LYZL4: variants seen among roughly 807,000 people sequenced by gnomAD.
LYZL4 encodes lysozyme like 4.
In LYZL4, 13 loss-of-function variants were observed where a neutral mutation model predicts 17.6. That is an observed-to-expected ratio of 0.74 (90% confidence interval 0.48 to 1.18). The LOEUF (loss-of-function observed/expected upper bound fraction) is 1.18. Ranked by LOEUF, LYZL4 falls within the 50% of genes most tolerant of loss-of-function variation. The pLI is 0.00. For missense variants in LYZL4, 174 were observed against 188.2 expected, an observed-to-expected ratio of 0.92 and a Z score of 0.44; for synonymous variants, 64 against 67.7, an observed-to-expected ratio of 0.95 and a Z score of 0.27.
intron 4 of LYZL4, among the ~76,000 whole-genome samples, chr3:42,400,652 G>T (rs771823901): frequency 3.8e-4 from 58 of 152,162 alleles, no homozygotes; most frequent in Non-Finnish European, 6.2e-4. Context: ...ATAAAGCCTA[G>T]TTTCAGAAAT....
Position 42,406,826 on chromosome 3 carries a change from G to A in LYZL4, c.292+20C>T. On this transcript the variant is annotated intron_variant, in intron 3 of 4. Transcript: ENST00000287748. ...CCATAGCCTCCAGTGCCCCCGCACG[G>A]AATGGAAAGAGGGACTTACCGGAAC... 1 of 1,613,106 alleles carries A rather than the reference G, an allele frequency of 6.2e-7. No individual in the cohort carries two copies. The highest frequency in any genetic ancestry group is 1.1e-5 in the South Asian group (1 of 91,080).
At chr3:42,407,886 T>C (rs1250528026) in intron 1 of LYZL4, among the ~76,000 whole-genome samples, 1 of 152,098 alleles carries the variant, frequency 6.6e-6, no homozygotes, top group Admixed American at 6.6e-5. Context: ...GTCCACGCAA[T>C]GAGACAAGCC....
intron 4 of LYZL4, among the ~76,000 whole-genome samples, chr3:42,398,130 G>A (rs1314298015): frequency 6.6e-6 from 1 of 152,118 alleles, no homozygotes; most frequent in Non-Finnish European, 1.5e-5. Flanking sequence ...CATACACACA[G>A]GTATTTTCAG....
At chr3:42,400,511 G>A (rs1032257046) in intron 4 of LYZL4, among the ~76,000 whole-genome samples, 1 of 152,162 alleles carries the variant, frequency 6.6e-6, no homozygotes, top group Non-Finnish European at 1.5e-5. Flanking sequence ...ATCATGATGT[G>A]CATATAAATG....
At chr3:42,403,069 T>C (rs1698685281) in intron 4 of LYZL4, among the ~76,000 whole-genome samples, 1 of 152,132 alleles carries the variant, frequency 6.6e-6, no homozygotes, top group Non-Finnish European at 1.5e-5. Context: ...ATTTTGGCAA[T>C]AAATATACAA....
At chr3:42,366,871 C>T in the LYZL4 span, among the ~76,000 whole-genome samples, 2 of 152,198 alleles carry the variant, frequency 1.3e-5, no homozygotes, top group African/African-American at 4.8e-5. Context: ...AACCTATGAA[C>T]AACCCACACT....
the LYZL4 span, among the ~76,000 whole-genome samples, chr3:42,388,071 CCT>C: frequency 1.1e-3 from 162 of 152,292 alleles, no homozygotes; most frequent in African/African-American, 3.8e-3. Flanking sequence ...CCTTTTCCCC[CCT>C]GTTCATTCAT....
the LYZL4 span, among the ~76,000 whole-genome samples, chr3:42,363,298 G>T: frequency 5.3e-5 from 8 of 152,136 alleles, no homozygotes; most frequent in Non-Finnish European, 1.0e-4. Context: ...TGGGTCTAAT[G>T]TTGGGTGACA....
the LYZL4 span, among the ~76,000 whole-genome samples, chr3:42,378,806 A>T: frequency 1.5e-4 from 23 of 152,332 alleles, no homozygotes; most frequent in South Asian, 8.3e-4. Context: ...AATACTTTAC[A>T]TGCATAATCT....
At chr3:42,380,654 T>C in the LYZL4 span, among the ~76,000 whole-genome samples, 1 of 152,196 alleles carries the variant, frequency 6.6e-6, no homozygotes, top group East Asian at 1.9e-4. Flanking sequence ...ATGATGATGG[T>C]GCTGGCCCAG....
chr3:42,379,989 C>T, the LYZL4 span, among the ~76,000 whole-genome samples: 1 of 152,278 alleles, frequency 6.6e-6, no homozygotes, highest in East Asian at 1.9e-4. Context: ...TTTTGAAGGC[C>T]AAGTCTCACA....
intron 4 of LYZL4, 59 bp from the exon 5 acceptor site, chr3:42,397,393 C>G: frequency 8.2e-7 from 1 of 1,215,128 alleles, no homozygotes; most frequent in Non-Finnish European, 1.2e-6. Flanking sequence ...GTCTCCAGGG[C>G]TTCACAGCCC....
chr3:42,394,768 G>A (rs1213359769), downstream of LYZL4, among the ~76,000 whole-genome samples: 6 of 152,082 alleles, frequency 3.9e-5, no homozygotes, highest in Admixed American at 2.6e-4. Flanking sequence ...CATGCCTCAC[G>A]CCCATGTTGA....
the LYZL4 span, among the ~76,000 whole-genome samples, chr3:42,363,453 T>C: frequency 6.6e-6 from 1 of 152,168 alleles, no homozygotes; most frequent in Non-Finnish European, 1.5e-5. Context: ...AAAAATAAAA[T>C]ATATACACAC....
the LYZL4 span, among the ~76,000 whole-genome samples, chr3:42,372,583 A>G: frequency 3.3e-5 from 5 of 152,204 alleles, no homozygotes; most frequent in African/African-American, 1.2e-4. Context: ...TTTAAGAGTC[A>G]GGGTGGAGCA....
intron 4 of LYZL4, among the ~76,000 whole-genome samples, chr3:42,400,508 T>C (rs1224264975): frequency 1.3e-5 from 2 of 152,234 alleles, no homozygotes; most frequent in Non-Finnish European, 2.9e-5. Flanking sequence ...TCAATCATGA[T>C]GTGCATATAA....
chr3:42,399,372 G>A (rs1698613381), intron 4 of LYZL4, among the ~76,000 whole-genome samples: 2 of 152,198 alleles, frequency 1.3e-5, no homozygotes, highest in Non-Finnish European at 2.9e-5. Context: ...CTAAAAGCAA[G>A]ATGCTCATGA....
intron 4 of LYZL4, among the ~76,000 whole-genome samples, chr3:42,402,128 GAGA>G (rs1202087389): frequency 7.0e-5 from 9 of 128,210 alleles, no homozygotes; most frequent in South Asian, 2.5e-4. Context: ...AGACACTCTT[GAGA>G]AGGTTAAAAA....
downstream of LYZL4, among the ~76,000 whole-genome samples, chr3:42,396,657 T>A (rs374021252): frequency 6.6e-6 from 1 of 152,262 alleles, no homozygotes; most frequent in African/African-American, 2.4e-5. Flanking sequence ...ACTGAGATTA[T>A]AGGAAAATTT....
Sources: allele counts gnomAD v4.1 joint callset (sites outside exome capture counted in the v4.1 genomes callset), GRCh38; gene constraint gnomAD v4.1.1; transcripts MANE v1.5; gene names NCBI Gene and HGNC (gene_info 2026-07-23, HGNC 2026-07-21).